RFPL1: variants seen among roughly 807,000 people sequenced by gnomAD.
RFPL1 encodes ret finger protein-like 1.
RFPL1 carries 6 observed loss-of-function variants against 9.6 expected under a neutral mutation model. The ratio of observed to expected loss-of-function variants is 0.62; its 90% CI spans 0.34 to 1.23. RFPL1 has a LOEUF of 1.23. RFPL1 is among the 50% of genes most tolerant of loss of function. The pLI is 0.03. For synonymous variants in RFPL1, 145 were observed against 149.4 expected (o/e 0.97, Z 0.22); for missense variants, 352 against 398.4 (o/e 0.88, Z 0.99).
the RFPL1 span, among the ~76,000 whole-genome samples, chr22:29,427,189 G>A: frequency 5.3e-5 from 8 of 152,240 alleles, no homozygotes; most frequent in East Asian, 1.5e-3. Context: ...ACTGAGGGGG[G>A]GCCTGACAGT....
exon 2 of RFPL1, chr22:29,442,380 C>T (rs543719941): frequency 6.3e-6 from 2 of 317,544 alleles, no homozygotes; most frequent in South Asian, 1.4e-4. Context: ...GATCAATTTC[C>T]AAATGCTTTT....
the RFPL1 span, among the ~76,000 whole-genome samples, chr22:29,422,735 C>A: frequency 1.5e-4 from 23 of 152,060 alleles, no homozygotes; most frequent in African/African-American, 5.3e-4. Flanking sequence ...AAGAGTGAAA[C>A]TCCATCTCAA....
At chr22:29,428,032 G>C in the RFPL1 span, among the ~76,000 whole-genome samples, 1 of 152,326 alleles carries the variant, frequency 6.6e-6, no homozygotes, top group East Asian at 1.9e-4. Context: ...GACATAGACA[G>C]GGCTTCTGTT....
chr22:29,403,720 A>G, the RFPL1 span, among the ~76,000 whole-genome samples: 1 of 152,266 alleles, frequency 6.6e-6, no homozygotes, highest in Non-Finnish European at 1.5e-5. Context: ...AGAAAGGCAA[A>G]TGACAACTAT....
the RFPL1 span, among the ~76,000 whole-genome samples, chr22:29,413,172 A>G: frequency 6.6e-6 from 1 of 151,854 alleles, no homozygotes; most frequent in East Asian, 1.9e-4. Flanking sequence ...GTTCTCAGTC[A>G]TATATGTGCC....
At chr22:29,397,625 T>A in the RFPL1 span, among the ~76,000 whole-genome samples, 2 of 152,180 alleles carry the variant, frequency 1.3e-5, no homozygotes, top group South Asian at 4.1e-4. Context: ...TAAGTGGGCA[T>A]CTTGGAACTG....
At chr22:29,415,224 C>T in the RFPL1 span, among the ~76,000 whole-genome samples, 2 of 151,640 alleles carry the variant, frequency 1.3e-5, no homozygotes, top group Non-Finnish European at 2.9e-5. Context: ...AAGGCACGCC[C>T]GTTTGCCTAG....
At chr22:29,424,833 A>C in the RFPL1 span, among the ~76,000 whole-genome samples, 5,744 of 38,868 alleles carry the variant, frequency 0.15, 8 homozygotes, top group Non-Finnish European at 0.15. Flanking sequence ...TGTCCCTCCC[A>C]CCCCCCCCCC....
At chr22:29,430,362 A>C in the RFPL1 span, among the ~76,000 whole-genome samples, 8 of 152,184 alleles carry the variant, frequency 5.3e-5, no homozygotes, top group Admixed American at 2.6e-4. Context: ...CAGCCTTTCA[A>C]ATCCAGTGTG....
At chr22:29,396,897 C>CTTTTT in the RFPL1 span, among the ~76,000 whole-genome samples, 5 of 72,578 alleles carry the variant, frequency 6.9e-5, no homozygotes, top group African/African-American at 1.4e-4. Flanking sequence ...CCTGAAACTT[C>CTTTTT]TTTTTTTTTT....
chr22:29,410,217 A>AC, the RFPL1 span, among the ~76,000 whole-genome samples: 3 of 138,324 alleles, frequency 2.2e-5, no homozygotes, highest in Non-Finnish European at 4.6e-5. Context: ...AAGTATATCT[A>AC]TATATATATA....
the RFPL1 span, among the ~76,000 whole-genome samples, chr22:29,394,677 C>T: frequency 7.9e-5 from 12 of 152,196 alleles, no homozygotes; most frequent in African/African-American, 1.9e-4. Context: ...CTCTTCTCTG[C>T]GAACTGTGCA....
upstream of RFPL1, chr22:29,437,469 C>G: frequency 1.3e-6 from 1 of 763,588 alleles, no homozygotes; most frequent in South Asian, 1.8e-5. Context: ...GCAATTTAAT[C>G]TTATCTTCAT....
chr22:29,420,665 A>T, the RFPL1 span, among the ~76,000 whole-genome samples: 142 of 91,124 alleles, frequency 1.6e-3, no homozygotes, highest in African/African-American at 6.1e-3. Context: ...TTTTGAGACG[A>T]AGTCTCACTC....
the RFPL1 span, among the ~76,000 whole-genome samples, chr22:29,423,382 C>CTTT: frequency 4.7e-4 from 63 of 134,474 alleles, 1 homozygote; most frequent in Admixed American, 9.1e-4. Context: ...AATCTATCAA[C>CTTT]TTTTTTTTTT....
At chr22:29,407,273 C>T in the RFPL1 span, among the ~76,000 whole-genome samples, 3 of 151,144 alleles carry the variant, frequency 2.0e-5, no homozygotes, top group East Asian at 1.9e-4. Flanking sequence ...TTTTTTTTTT[C>T]GTAGAGATGG....
upstream of RFPL1, among the ~76,000 whole-genome samples, chr22:29,435,974 A>G (rs565761702): frequency 6.6e-6 from 1 of 152,296 alleles, no homozygotes; most frequent in African/African-American, 2.4e-5. Context: ...TCTCACTCCT[A>G]TATGGGAGCT....
At chr22:29,397,583 C>T in the RFPL1 span, among the ~76,000 whole-genome samples, 1 of 152,198 alleles carries the variant, frequency 6.6e-6, no homozygotes, top group African/African-American at 2.4e-5. Context: ...ACCTAAAAAC[C>T]AGATCTTCTG....
chr22:29,425,288 C>T, the RFPL1 span, among the ~76,000 whole-genome samples: 1 of 152,042 alleles, frequency 6.6e-6, no homozygotes, highest in East Asian at 1.9e-4. Flanking sequence ...CACTTTGTCC[C>T]TTTTTTTGCA....
Sources: gnomAD v4.1 joint callset for allele counts (sites outside exome capture counted in the v4.1 genomes callset) on GRCh38, gnomAD v4.1.1 for gene constraint, MANE v1.5 for transcripts, NCBI Gene and HGNC (gene_info 2026-07-23, HGNC 2026-07-21) for gene names.